The following C2orf74 variants were observed in gnomAD, a reference collection of about 807,000 sequenced individuals.
C2orf74 encodes uncharacterized protein C2orf74.
In C2orf74, 14 loss-of-function variants were observed where a neutral mutation model predicts 17.9. The ratio of observed to expected loss-of-function variants is 0.78; its 90% CI spans 0.52 to 1.22. C2orf74 has a LOEUF of 1.22. Among genes scored for constraint, C2orf74 ranks in the 50% most tolerant of loss-of-function variants. The pLI, the probability that C2orf74 is intolerant of heterozygous loss-of-function variation, is 0.00. For missense variants in C2orf74, 217 were observed against 218.4 expected (o/e 0.99, Z 0.04); for synonymous variants, 79 against 72.6 (o/e 1.09, Z -0.44).
chr2:61,155,308 C>T (rs2698197), intron 1 of C2orf74, among the ~76,000 whole-genome samples: 91,887 of 151,906 alleles, frequency 0.6, 27,801 homozygotes, highest in Middle Eastern at 0.69. Flanking sequence ...ATTAATTGTT[C>T]ATGAAATGTT....
At chr2:61,158,207 C>A (rs189287608), upstream of C2orf74, among the ~76,000 whole-genome samples, 1 of 152,258 alleles carries the variant, frequency 6.6e-6, no homozygotes, top group Admixed American at 6.5e-5. Flanking sequence ...GGTCCAGATA[C>A]CCATGAGAGT....
chr2:61,153,105 T>C (rs1233505561), intron 1 of C2orf74, among the ~76,000 whole-genome samples: 3 of 141,122 alleles, frequency 2.1e-5, no homozygotes, highest in Non-Finnish European at 4.5e-5. Flanking sequence ...TGAGCCGAGA[T>C]GGTGCCATTG....
chr2:61,157,848 T>C (rs1001689282), upstream of C2orf74: 1 of 469,964 alleles, frequency 2.1e-6, no homozygotes, highest in Middle Eastern at 3.5e-4. Flanking sequence ...TCCTGGATCA[T>C]GTTTTTGTCA....
chr2:61,146,219 TC>T (rs1419501745), intron 1 of C2orf74, among the ~76,000 whole-genome samples: 3 of 152,162 alleles, frequency 2.0e-5, no homozygotes, highest in Non-Finnish European at 4.4e-5. Context: ...AGGAATCAGT[TC>T]CCAACATACT....
At chr2:61,150,547 C>T (rs1308749642) in intron 1 of C2orf74, among the ~76,000 whole-genome samples, 1 of 152,142 alleles carries the variant, frequency 6.6e-6, no homozygotes, top group Non-Finnish European at 1.5e-5. Context: ...CCACATCGGT[C>T]CCCCTCCACA....
At chr2:61,147,083 C>G (rs961549105) in intron 1 of C2orf74, among the ~76,000 whole-genome samples, 1 of 151,884 alleles carries the variant, frequency 6.6e-6, no homozygotes, top group African/African-American at 2.4e-5. Flanking sequence ...GTGGGGGGAT[C>G]GGTTGAGCCC....
In C2orf74 at chr2:61,164,483, C is replaced by A. The variant is rs1170743706; in HGVS notation, c.520C>A (p.Pro174Thr). ...TGTTGTGGATCTTGGGAATGAATAC[C>A]CTACACCTCGAAGCTATACTCGAGA... ...VIVVDLGNEY[P>T]TPRSYTREHK... is the part of the protein sequence containing the mutation. Residue 174 changes from proline (P) to threonine (T), a missense_variant, in exon 5 of 5, where the codon CCT (proline) becomes ACT (threonine). Coordinates refer to ENST00000432605, the MANE Select transcript of C2orf74 (RefSeq NM_001143959.4). 1.6e-5 allele frequency: 25 copies of A among 1,549,448 alleles called. No homozygotes were observed. Among genetic ancestry groups the A allele is most frequent in the Non-Finnish European group, 2.2e-5 (25 of 1,146,108 alleles).
At chr2:61,152,862 A>C (rs1685274810) in intron 1 of C2orf74, among the ~76,000 whole-genome samples, 1 of 150,168 alleles carries the variant, frequency 6.7e-6, no homozygotes, top group Non-Finnish European at 1.5e-5. Flanking sequence ...AAAAAAAAAA[A>C]AAAAAAAAGC....
In C2orf74 at chr2:61,162,430, A is replaced by T; in HGVS notation, c.-85A>T. ...TCTGTTTCTAGAAAACTTAAAGAAC[A>T]AGAGAACTGCATTCAAATTGAGCTG... On this transcript the variant is annotated 5_prime_UTR_variant, in exon 2 of 5. Coordinates refer to ENST00000432605, the MANE Select transcript of C2orf74 (RefSeq NM_001143959.4). 9.8e-7 allele frequency: 1 copy of T among 1,015,760 alleles called. No individual in the cohort carries two copies. Among genetic ancestry groups the T allele is most frequent in the South Asian group, 1.5e-5 (1 of 66,462 alleles). The allele number at this position is 1,015,760 out of a possible 1,614,324, so 62.9% of individuals were successfully genotyped here. A position where few individuals can be genotyped will look rare whatever the true frequency, so the allele number is the denominator to read the frequency against.
At chr2:61,155,185 A>C (rs1240057979) in intron 1 of C2orf74, among the ~76,000 whole-genome samples, 1 of 152,246 alleles carries the variant, frequency 6.6e-6, no homozygotes, top group African/African-American at 2.4e-5. Flanking sequence ...CTTTTAATTC[A>C]ACAAAGAGAA....
upstream of C2orf74, chr2:61,157,713 A>C (rs528203172): frequency 2.8e-6 from 1 of 362,236 alleles, no homozygotes; most frequent in Admixed American, 3.7e-5. Flanking sequence ...TTTAGATCAC[A>C]TGTTGACCCT....
Position 61,148,217 on chromosome 2 carries a change from G to A in C2orf74, c.-122+3021G>A, listed in dbSNP as rs943674134. ...GTATATATTTTTTAGATGGAGTTTC[G>A]CTCTTGTTGCCCAAGCTGGAGTGCA... On this transcript the variant is annotated intron_variant, in intron 1 of 3. Transcript: ENST00000426997. Among the ~76,000 whole-genome samples, 11 of 147,902 alleles carry A rather than the reference G, an allele frequency of 7.4e-5. No individual in the cohort carries two copies. In the South Asian group the frequency reaches 2.1e-3, roughly 29 times the overall value.
chr2:61,164,798 A>G lies in C2orf74; in HGVS notation c.*271A>G, dbSNP rs1473253101. On this transcript the variant is annotated 3_prime_UTR_variant, in exon 5 of 5. Transcript: ENST00000432605. ...CTATCTACTCAAACACTGTTCTGGC[A>G]TGTGAATAAAGTGATTTTTGTTTGT... is the stretch of plus-strand genomic sequence containing the variant. 4 of 249,098 alleles carry G rather than the reference A, an allele frequency of 1.6e-5. No homozygotes were observed. The highest frequency in any genetic ancestry group is 3.0e-5 in the Non-Finnish European group (4 of 131,726). 15.4% of individuals were successfully genotyped at this position (249,098 alleles called of 1,614,324 possible). A position where few individuals can be genotyped will look rare whatever the true frequency, so the allele number is the denominator to read the frequency against.
intron 1 of C2orf74, chr2:61,151,866 A>C (rs1314833730): frequency 6.6e-6 from 1 of 152,384 alleles, no homozygotes; most frequent in East Asian, 1.9e-4. Context: ...TATTAAAACC[A>C]TCACAAAGTC....
At chr2:61,147,594 G>A (rs191690776) in intron 1 of C2orf74, among the ~76,000 whole-genome samples, 3 of 152,090 alleles carry the variant, frequency 2.0e-5, no homozygotes, top group East Asian at 3.8e-4. Flanking sequence ...GATAATTAGC[G>A]AGGTGAGCCT....
intron 2 of C2orf74, 75 bp from the exon 3 acceptor site, chr2:61,162,767 C>A (rs927257725): frequency 2.4e-6 from 3 of 1,254,412 alleles, no homozygotes; most frequent in South Asian, 1.3e-5. Flanking sequence ...CCTGTTTAAA[C>A]GTGAAGTTTC....
At chr2:61,149,798 C>T (rs892839260) in intron 1 of C2orf74, among the ~76,000 whole-genome samples, 3 of 151,900 alleles carry the variant, frequency 2.0e-5, no homozygotes, top group Admixed American at 1.3e-4. Flanking sequence ...AGGCTGGTCT[C>T]GAACTCCTGA....
intron 1 of C2orf74, among the ~76,000 whole-genome samples, chr2:61,155,781 A>G (rs1240552806): frequency 6.6e-6 from 1 of 152,040 alleles, no homozygotes; most frequent in African/African-American, 2.4e-5. Flanking sequence ...TGGCCTCCCA[A>G]AATGCTGGGA....
At chr2:61,162,141 CACTG>C (rs1458831615), upstream of C2orf74, 2 of 217,712 alleles carry the variant, frequency 9.2e-6, no homozygotes, top group African/African-American at 4.6e-5. Context: ...TCTATGATGT[CACTG>C]ACGAGAGAAG....
Sources: allele counts gnomAD v4.1 joint callset (sites outside exome capture counted in the v4.1 genomes callset), GRCh38; gene constraint gnomAD v4.1.1; transcripts MANE v1.5; gene names NCBI Gene and HGNC (gene_info 2026-07-23, HGNC 2026-07-21).